DZANK1: variants seen among roughly 807,000 people sequenced by gnomAD.
DZANK1 encodes double zinc ribbon and ankyrin repeat domains 1, also known as double zinc ribbon and ankyrin repeat-containing protein 1.
DZANK1 carries 91 observed loss-of-function variants against 94.5 expected under a neutral mutation model. The observed-to-expected ratio is 0.96, with a 90% CI of 0.81 to 1.15. The LOEUF (loss-of-function observed/expected upper bound fraction) is 1.15. Ranked by LOEUF, DZANK1 falls within the 50% of genes most tolerant of loss-of-function variation. The pLI, the probability that DZANK1 is intolerant of heterozygous loss-of-function variation, is 0.00. For missense variants in DZANK1, 903 were observed against 916.4 expected (o/e 0.99, Z 0.19); for synonymous variants, 312 against 325.3 (o/e 0.96, Z 0.44).
At chr20:18,454,339 T>C in intron 4 of DZANK1, 1 of 246,824 alleles carries the variant, frequency 4.1e-6, no homozygotes, top group Admixed American at 5.2e-5. Context: ...GATCCTTGCC[T>C]TGATCACACT....
chr20:18,449,150 A>G, intron 6 of DZANK1, 81 bp from the exon 7 acceptor site: 2 of 1,102,710 alleles, frequency 1.8e-6, no homozygotes, highest in Non-Finnish European at 2.7e-6. Flanking sequence ...GTAAAATTCC[A>G]TTAAAAATCA....
Position 18,455,261 on chromosome 20 carries a change from CTT to C in DZANK1, c.362_363del (p.Lys121ArgfsTer21), listed in dbSNP as rs1290166340. The C allele has an allele frequency of 1.9e-6, 3 of 1,603,492 alleles. No individual in the cohort carries two copies. The highest frequency in any genetic ancestry group is 2.6e-6 in the Non-Finnish European group (3 of 1,174,390). ...TCATTACTTGCCTGCCTTGAAGAATCTTTGAGAACATTTTCAACATTGTCTTC... is the reference window on the plus strand; with the variant it reads ...TCATTACTTGCCTGCCTTGAAGAATCTGAGAACATTTTCAACATTGTCTTC... On this transcript the variant is annotated frameshift_variant, in exon 4 of 21. Coordinates refer to ENST00000262547, the Ensembl canonical transcript of DZANK1. LOFTEE classifies it high-confidence loss of function.
intron 5 of DZANK1, 149 bp from the exon 6 acceptor site, chr20:18,452,888 CCA>C (rs1304571054): frequency 5.4e-5 from 42 of 783,746 alleles, no homozygotes; most frequent in Admixed American, 4.9e-4. Flanking sequence ...AGAGCTCCCG[CCA>C]CACACTCAAT....
chr20:18,403,946 C>A (rs1358279058), intron 13 of DZANK1, among the ~76,000 whole-genome samples: 1 of 151,894 alleles, frequency 6.6e-6, no homozygotes, highest in Non-Finnish European at 1.5e-5. Context: ...ATTATAGATG[C>A]CTGCCACCAT....
chr20:18,437,843 C>A (rs778422705), intron 8 of DZANK1, among the ~76,000 whole-genome samples: 4 of 152,022 alleles, frequency 2.6e-5, no homozygotes, highest in Non-Finnish European at 4.4e-5. Context: ...ATATTGTAAT[C>A]TCTAGAGCTT....
chr20:18,450,934 C>T (rs1024687843), intron 6 of DZANK1, among the ~76,000 whole-genome samples: 1 of 151,916 alleles, frequency 6.6e-6, no homozygotes, highest in Non-Finnish European at 1.5e-5. Context: ...CACTGATATG[C>T]CTTTTATTTT....
intron 9 of DZANK1, 39 bp downstream of exon 9, chr20:18,433,613 G>T: frequency 1.3e-6 from 2 of 1,562,696 alleles, no homozygotes; most frequent in Non-Finnish European, 1.8e-6. Flanking sequence ...ACATTACTAT[G>T]TATTTCATTC....
intron 8 of DZANK1, among the ~76,000 whole-genome samples, chr20:18,437,739 C>A (rs2058576863): frequency 6.6e-6 from 1 of 152,144 alleles, no homozygotes. Context: ...TGTATCAAAA[C>A]ATCTCATGTA....
chr20:18,453,924 T>C lies in DZANK1; in HGVS notation c.379-97A>G, dbSNP rs751622080. The C allele has an allele frequency of 4.7e-6, 4 of 855,536 alleles. No individual in the cohort carries two copies. The South Asian group carries it at 5.3e-5, about 11-fold the overall frequency. 53.0% of individuals were successfully genotyped at this position (855,536 alleles called of 1,614,324 possible). On this transcript the variant is annotated intron_variant, in intron 4 of 20. Coordinates refer to ENST00000262547, the Ensembl canonical transcript of DZANK1. The stretch of plus-strand genomic sequence containing the variant: ...AAGTGTCATGGTGTGCATTTCTTAT[T>C]TGAAAGAGTTTATGGTCATTTGTAC...
intron 9 of DZANK1, among the ~76,000 whole-genome samples, chr20:18,431,675 T>C (rs2058292446): frequency 6.6e-6 from 1 of 152,152 alleles, no homozygotes. Flanking sequence ...GTTATGATGA[T>C]AAAAATCTCT....
chr20:18,414,699 G>T (rs1012673746), intron 11 of DZANK1, among the ~76,000 whole-genome samples, 187 bp from the exon 12 acceptor site: 5 of 152,158 alleles, frequency 3.3e-5, no homozygotes, highest in Non-Finnish European at 7.3e-5. Flanking sequence ...AAACACTGTG[G>T]TTTTAAAAGA....
At chr20:18,425,180 A>G (rs1236133184) in intron 10 of DZANK1, among the ~76,000 whole-genome samples, 1 of 152,242 alleles carries the variant, frequency 6.6e-6, no homozygotes, top group African/African-American at 2.4e-5. Context: ...CATATAAATC[A>G]TATCTCAATA....
intron 13 of DZANK1, among the ~76,000 whole-genome samples, 188 bp from the exon 14 acceptor site, chr20:18,398,814 T>C (rs917189697): frequency 3.9e-5 from 6 of 152,244 alleles, no homozygotes; most frequent in African/African-American, 1.4e-4. Flanking sequence ...GCTTGTTACA[T>C]GTAATTAATC....
chr20:18,388,131 A>C (rs145174295), intron 19 of DZANK1, among the ~76,000 whole-genome samples: 2 of 152,140 alleles, frequency 1.3e-5, no homozygotes, highest in Admixed American at 6.5e-5. Context: ...ACTGGCATGC[A>C]CTGGAAAGGA....
chr20:18,394,287 C>T, exon 16 of DZANK1: 1 of 1,613,832 alleles, frequency 6.2e-7, no homozygotes, highest in Non-Finnish European at 8.5e-7. Flanking sequence ...AGCCCCCCAT[C>T]ACCCTCGGCA....
At chr20:18,446,054 C>G (rs6045406) in intron 7 of DZANK1, among the ~76,000 whole-genome samples, 44,801 of 147,500 alleles carry the variant, frequency 0.3, 6,890 homozygotes, top group South Asian at 0.4. Context: ...CATGGGCCAC[C>G]ACGCCCAGCC....
At chr20:18,427,110 C>A (rs1364652137) in exon 10 of DZANK1, 1 of 1,613,242 alleles carries the variant, frequency 6.2e-7, no homozygotes, top group South Asian at 1.1e-5. Flanking sequence ...GACACAGTAT[C>A]TCAGGTGAGC....
At chr20:18,386,903 A>C (rs907976095) in intron 19 of DZANK1, among the ~76,000 whole-genome samples, 1 of 152,210 alleles carries the variant, frequency 6.6e-6, no homozygotes, top group Admixed American at 6.5e-5. Context: ...CAAATGAAGA[A>C]TTTGCCATAG....
chr20:18,431,339 G>A (rs1176559134), intron 9 of DZANK1, among the ~76,000 whole-genome samples: 2 of 152,166 alleles, frequency 1.3e-5, no homozygotes, highest in Admixed American at 1.3e-4. Flanking sequence ...AAGGAAGAGC[G>A]CAGATGGTGC....
Sources: gnomAD v4.1 joint callset for allele counts (sites outside exome capture counted in the v4.1 genomes callset) on GRCh38, gnomAD v4.1.1 for gene constraint, MANE v1.5 for transcripts, NCBI Gene and HGNC (gene_info 2026-07-23, HGNC 2026-07-21) for gene names.